The following TDRP variants were observed in gnomAD, a reference collection of about 807,000 sequenced individuals.
The protein encoded by TDRP is testis development related protein.
In TDRP, 12 loss-of-function variants were observed where a neutral mutation model predicts 10.5. The observed-to-expected ratio is 1.15, with a 90% CI of 0.73 to 1.86. The LOEUF (loss-of-function observed/expected upper bound fraction) is 1.86, where lower values mean the gene tolerates loss of function less well. TDRP is among the 40% of genes most tolerant of loss of function. The probability of loss-of-function intolerance (pLI) is 0.00; values close to 1 mark genes in which losing one functional copy is unlikely to be tolerated. For synonymous variants in TDRP, 139 were observed against 95.4 expected (o/e 1.46, Z -2.67); for missense variants, 353 against 229.2 (o/e 1.54, Z -3.49).
At chr8:543,040 AC>A (rs1307883911) in intron 1 of TDRP, among the ~76,000 whole-genome samples, 14 of 151,880 alleles carry the variant, frequency 9.2e-5, no homozygotes, top group African/African-American at 2.7e-4. Context: ...AGGCGTGGTG[AC>A]TCACGCCTGT....
intron 1 of TDRP, among the ~76,000 whole-genome samples, chr8:504,591 A>T (rs1801404962): frequency 6.6e-6 from 1 of 152,338 alleles, no homozygotes; most frequent in Admixed American, 6.5e-5. Flanking sequence ...TGCAAACCGT[A>T]AAACCACTCA....
intron 1 of TDRP, among the ~76,000 whole-genome samples, chr8:506,194 AG>A (rs1321787312): frequency 6.6e-6 from 1 of 152,250 alleles, no homozygotes; most frequent in Non-Finnish European, 1.5e-5. Context: ...AAACACACAT[AG>A]GATCTCTGGA....
chr8:498,987 G>A (rs1440213940), intron 1 of TDRP, among the ~76,000 whole-genome samples: 1 of 152,132 alleles, frequency 6.6e-6, no homozygotes, highest in African/African-American at 2.4e-5. Context: ...ACATGGAACT[G>A]TGAGTCAATT....
intron 2 of TDRP, among the ~76,000 whole-genome samples, chr8:493,279 C>A (rs1233774051): frequency 6.6e-6 from 1 of 152,226 alleles, no homozygotes; most frequent in Non-Finnish European, 1.5e-5. Context: ...CTACTCTTCA[C>A]CCTGACTGTC....
At chr8:507,569 C>T (rs1432502693) in intron 1 of TDRP, among the ~76,000 whole-genome samples, 1 of 152,158 alleles carries the variant, frequency 6.6e-6, no homozygotes, top group South Asian at 2.1e-4. Flanking sequence ...GCCTGCCACA[C>T]CTCCATCATC....
At chr8:530,552 T>C (rs1233930295) in intron 1 of TDRP, among the ~76,000 whole-genome samples, 4 of 152,110 alleles carry the variant, frequency 2.6e-5, no homozygotes, top group East Asian at 1.9e-4. Flanking sequence ...TCTCAAACCT[T>C]TTCTGGGGAT....
chr8:522,042 A>C (rs945283691), intron 1 of TDRP, among the ~76,000 whole-genome samples: 2 of 152,060 alleles, frequency 1.3e-5, no homozygotes, highest in East Asian at 3.9e-4. Flanking sequence ...AATGTGCCTG[A>C]CTTTTCATGT....
intron 1 of TDRP, among the ~76,000 whole-genome samples, chr8:503,270 AGGGCAACCCACGTCCACC>A (rs1801356794): frequency 7.4e-6 from 1 of 134,736 alleles, no homozygotes; most frequent in African/African-American, 2.8e-5. Context: ...GAGCCACACT[AGGGCAACCCACGTCCACC>A]TCAGCACACG....
At chr8:503,111 C>T (rs1328649030) in intron 1 of TDRP, among the ~76,000 whole-genome samples, 1 of 150,286 alleles carries the variant, frequency 6.7e-6, no homozygotes, top group East Asian at 2.0e-4. Context: ...AAGCCACACA[C>T]TGGAACCAAT....
At chr8:532,743 A>C (rs1229051701) in intron 1 of TDRP, among the ~76,000 whole-genome samples, 1 of 152,222 alleles carries the variant, frequency 6.6e-6, no homozygotes, top group Non-Finnish European at 1.5e-5. Flanking sequence ...GTTACCTTAC[A>C]GTCAGAAGAG....
At chr8:543,732 G>A (rs111875607) in intron 1 of TDRP, among the ~76,000 whole-genome samples, 2 of 152,126 alleles carry the variant, frequency 1.3e-5, no homozygotes, top group African/African-American at 4.8e-5. Flanking sequence ...GACCCTAAGA[G>A]AAACTCTTCT....
chr8:520,275 T>C (rs1801866904), intron 1 of TDRP, among the ~76,000 whole-genome samples: 1 of 152,214 alleles, frequency 6.6e-6, no homozygotes, highest in South Asian at 2.1e-4. Context: ...ACTAGCATAT[T>C]ATCAGATTTC....
At chr8:544,501 C>T in intron 1 of TDRP, 149 bp downstream of exon 1, 1 of 457,540 alleles carries the variant, frequency 2.2e-6, no homozygotes, top group Non-Finnish European at 3.5e-6. Flanking sequence ...CCTAGCGGGC[C>T]GCGCCCCGGA....
At chr8:518,830 A>G (rs987978105) in intron 1 of TDRP, among the ~76,000 whole-genome samples, 20 of 152,204 alleles carry the variant, frequency 1.3e-4, no homozygotes, top group African/African-American at 4.3e-4. Flanking sequence ...AATTCATACA[A>G]ATTTATTAAC....
chr8:545,120 G>T (rs1049172188), upstream of TDRP: 45 of 121,604 alleles, frequency 3.7e-4, no homozygotes, highest in African/African-American at 1.4e-3. Flanking sequence ...CCCACAGAAA[G>T]GTCAACCCCG....
At chr8:522,978 A>T (rs1332456681) in intron 1 of TDRP, among the ~76,000 whole-genome samples, 2 of 152,106 alleles carry the variant, frequency 1.3e-5, no homozygotes, top group Admixed American at 1.3e-4. Context: ...ATTAAACCAC[A>T]CGTAGTTTTG....
Position 491,955 on chromosome 8 carries a change from T to C in TDRP, c.*444A>G. ...TTAACATAACTTTGGAAGATTCATC[T>C]TACCTCCTGACTAATTTTCTAGCAA... On this transcript the variant is annotated 3_prime_UTR_variant, in exon 3 of 3. Transcript: ENST00000324079. 1 of 1,120,144 alleles carries C rather than the reference T, an allele frequency of 8.9e-7. No homozygotes were observed. Among genetic ancestry groups the C allele is most frequent in the South Asian group, 3.8e-5 (1 of 26,436 alleles). 69.4% of individuals were successfully genotyped at this position (1,120,144 alleles called of 1,614,324 possible).
At chr8:507,763 G>C (rs1355677514) in intron 1 of TDRP, among the ~76,000 whole-genome samples, 1 of 152,188 alleles carries the variant, frequency 6.6e-6, no homozygotes, top group African/African-American at 2.4e-5. Context: ...TCAGTACCCA[G>C]AGTGGCTACA....
At chr8:538,190 G>A (rs1485048180) in intron 1 of TDRP, among the ~76,000 whole-genome samples, 1 of 152,190 alleles carries the variant, frequency 6.6e-6, no homozygotes, top group Non-Finnish European at 1.5e-5. Context: ...TCTCGGGATG[G>A]GAAGTGACCA....
Sources: gnomAD v4.1 joint callset for allele counts (sites outside exome capture counted in the v4.1 genomes callset) on GRCh38, gnomAD v4.1.1 for gene constraint, MANE v1.5 for transcripts, NCBI Gene and HGNC (gene_info 2026-07-23, HGNC 2026-07-21) for gene names.